CBLB: variants seen among roughly 807,000 people sequenced by gnomAD.
CBLB encodes E3 ubiquitin-protein ligase CBL-B.
A neutral mutation model predicts 104.9 loss-of-function variants in CBLB; 31 were observed. That is an observed-to-expected ratio of 0.30 (90% CI 0.22 to 0.40). The LOEUF (loss-of-function observed/expected upper bound fraction) is 0.40. CBLB is among the 10% of genes least tolerant of loss of function. The pLI, the probability that CBLB is intolerant of heterozygous loss-of-function variation, is 1.00. For synonymous variants in CBLB, 440 were observed against 422.6 expected, an observed-to-expected ratio of 1.04 and a Z score of -0.51; for missense variants, 1,062 against 1,214.6, an observed-to-expected ratio of 0.87 and a Z score of 1.87.
chr3:105,702,495 A>AC (rs2069359934), intron 11 of CBLB, 36 bp from the exon 12 acceptor site: 23 of 1,475,752 alleles, frequency 1.6e-5, no homozygotes, highest in Admixed American at 2.3e-5. Context: ...AAAAAAAAAA[A>AC]AAAACTAAAG....
At chr3:105,698,605 CAAAA>C (rs34896633) in intron 12 of CBLB, among the ~76,000 whole-genome samples, 3 of 80,812 alleles carry the variant, frequency 3.7e-5, no homozygotes, top group African/African-American at 4.9e-5. Context: ...ACCATTTGAC[CAAAA>C]AAAAAAAAAA....
At chr3:105,721,418 T>C (rs1417829006) in intron 9 of CBLB, among the ~76,000 whole-genome samples, 1 of 152,218 alleles carries the variant, frequency 6.6e-6, no homozygotes, top group East Asian at 1.9e-4. Flanking sequence ...GCAGATCCTG[T>C]GATAGTTTAT....
intron 12 of CBLB, among the ~76,000 whole-genome samples, chr3:105,701,466 T>G (rs1457631052): frequency 6.6e-6 from 1 of 152,082 alleles, no homozygotes; most frequent in Non-Finnish European, 1.5e-5. Context: ...AGGAGTTTGT[T>G]AAAAATACCG....
chr3:105,676,424 T>C (rs920527149), intron 17 of CBLB, among the ~76,000 whole-genome samples: 1 of 152,172 alleles, frequency 6.6e-6, no homozygotes, highest in South Asian at 2.1e-4. Flanking sequence ...TGTTCTCTTT[T>C]ATTATAGCTC....
At chr3:105,706,916 AT>A (rs2070232951) in intron 10 of CBLB, among the ~76,000 whole-genome samples, 1 of 152,092 alleles carries the variant, frequency 6.6e-6, no homozygotes, top group African/African-American at 2.4e-5. Context: ...TTCTGCAAAT[AT>A]TTTCCTACTT....
chr3:105,720,028 C>T lies in CBLB; in HGVS notation c.1407+19G>A. On this transcript the variant is annotated intron_variant, in intron 10 of 18. Transcript: ENST00000394030. Reference sequence around the variant, plus strand: ...ATATGGTCACATCACCTTAACTAAACCCATGTTTCTAGTTTTACCTTTCGG... The same window carrying T: ...ATATGGTCACATCACCTTAACTAAATCCATGTTTCTAGTTTTACCTTTCGG... The T allele has an allele frequency of 6.4e-7, 1 of 1,563,180 alleles. No homozygotes were observed. Among genetic ancestry groups the T allele is most frequent in the Non-Finnish European group, 8.8e-7 (1 of 1,133,544 alleles).
In CBLB at chr3:105,781,906, T is replaced by TA. The variant is rs145184407; in HGVS notation, c.420-5365dup. Among the ~76,000 whole-genome samples, 979 of 152,220 alleles carry TA rather than the reference T, an allele frequency of 6.4e-3. 12 individuals are homozygous for TA. Among genetic ancestry groups the TA allele is most frequent in the African/African-American group, 0.023 (939 of 41,550 alleles). ...TTTACAAGGTGAAACAAACTCAATA[T>TA]AAAAAGAAAGGCAAGACATAAAGAA... On this transcript the variant is annotated intron_variant, in intron 3 of 18. Transcript: ENST00000394030.
chr3:105,759,040 G>A (rs998814741), intron 4 of CBLB, among the ~76,000 whole-genome samples: 5 of 152,116 alleles, frequency 3.3e-5, no homozygotes, highest in African/African-American at 1.2e-4. Flanking sequence ...TTCTTGTCCC[G>A]TGTCCAGGAA....
At chr3:105,786,062 G>GGGGC (rs1553794642) in intron 3 of CBLB, among the ~76,000 whole-genome samples, 20 of 10,164 alleles carry the variant, frequency 2.0e-3, no homozygotes, top group South Asian at 3.6e-3. Context: ...TGAGAGGATC[G>GGGGC]GGGGGGGGAA....
chr3:105,803,048 C>T (rs1013705642), intron 3 of CBLB, among the ~76,000 whole-genome samples: 1 of 152,172 alleles, frequency 6.6e-6, no homozygotes, highest in Non-Finnish European at 1.5e-5. Flanking sequence ...GAAGTCTTTA[C>T]ACAGCCAATA....
At chr3:105,671,646 C>G (rs1303080913) in intron 17 of CBLB, 1 of 205,312 alleles carries the variant, frequency 4.9e-6, no homozygotes, top group African/African-American at 2.3e-5. Context: ...ACGATGAAAA[C>G]ATAGGCTTAA....
Position 105,720,198 on chromosome 3 carries a change from T to C in CBLB, c.1256A>G (p.Glu419Gly). The C allele has an allele frequency of 1.2e-6, 2 of 1,613,940 alleles. No homozygotes were observed. Among genetic ancestry groups the C allele is most frequent in the Non-Finnish European group, 1.7e-6 (2 of 1,179,940 alleles). Residue 419 changes from glutamate (E) to glycine (G), a missense_variant, in exon 10 of 19, where the codon GAG becomes GGG. By Grantham distance (98) the Glu-to-Gly change is moderately conservative. This residue lies in a region of CBLB where 457 missense variants were observed against 632.0 expected (regional missense o/e 0.72). Coordinates refer to ENST00000394030, the MANE Select transcript of CBLB (RefSeq NM_170662.5). Reference protein sequence around the residue: ...PFCRCEIKGTEPIIVDPFDPR... With the variant: ...PFCRCEIKGTGPIIVDPFDPR... Reference sequence around the variant, plus strand: ...ATCAAAGGGGTCCACGATTATGGGCTCAGTTCCTTTTATTTCACAACGACA... The same window carrying C: ...ATCAAAGGGGTCCACGATTATGGGCCCAGTTCCTTTTATTTCACAACGACA...
intron 8 of CBLB, among the ~76,000 whole-genome samples, chr3:105,734,710 A>C: frequency 6.6e-6 from 1 of 152,216 alleles, no homozygotes; most frequent in Admixed American, 6.5e-5. Flanking sequence ...TGAACTTAAC[A>C]AAAGTTAGGC....
intron 2 of CBLB, among the ~76,000 whole-genome samples, chr3:105,855,118 T>G (rs76342503): frequency 0.014 from 2,077 of 152,216 alleles, 45 homozygotes; most frequent in African/African-American, 0.048. Flanking sequence ...CTGTCAGCAA[T>G]CCCAATGAAA....
chr3:105,810,369 G>T (rs1044889818), intron 3 of CBLB, among the ~76,000 whole-genome samples: 13 of 151,954 alleles, frequency 8.6e-5, no homozygotes, highest in African/African-American at 1.7e-4. Context: ...TGGATTTTTT[G>T]TGTGTGTGAA....
intron 6 of CBLB, among the ~76,000 whole-genome samples, chr3:105,741,796 G>C (rs968016709): frequency 2.0e-5 from 3 of 152,184 alleles, no homozygotes; most frequent in Non-Finnish European, 4.4e-5. Context: ...TGGGATTACA[G>C]GCGTGAGCCA....
At chr3:105,737,500 T>A (rs2075079803) in intron 7 of CBLB, among the ~76,000 whole-genome samples, 1 of 152,104 alleles carries the variant, frequency 6.6e-6, no homozygotes, top group Non-Finnish European at 1.5e-5. Context: ...GCAACCATTT[T>A]CAATGAAATA....
At chr3:105,761,332 C>G (rs539501935) in intron 4 of CBLB, among the ~76,000 whole-genome samples, 3 of 152,288 alleles carry the variant, frequency 2.0e-5, no homozygotes, top group South Asian at 2.1e-4. Context: ...GCACCCACCC[C>G]CTAAACACTG....
At chr3:105,720,349 A>G in intron 9 of CBLB, 99 bp from the exon 10 acceptor site, 2 of 1,157,162 alleles carry the variant, frequency 1.7e-6, no homozygotes, top group Non-Finnish European at 2.5e-6. Context: ...CACCCCCAAA[A>G]AGACTTTTTG....
Sources: gnomAD v4.1 joint callset for allele counts (sites outside exome capture counted in the v4.1 genomes callset) on GRCh38, gnomAD v4.1.1 for gene constraint, gnomAD v4.1.1 regional missense constraint, MANE v1.5 for transcripts, NCBI Gene and HGNC (gene_info 2026-07-23, HGNC 2026-07-21) for gene names.